Variants in ASIC2 observed in about 807,000 individuals in gnomAD.
The protein encoded by ASIC2 is acid-sensing ion channel 2.
Under a neutral mutation model 57.3 loss-of-function variants are expected in ASIC2, and 25 were observed. The ratio of observed to expected loss-of-function variants is 0.44; its 90% CI spans 0.32 to 0.61. The LOEUF (loss-of-function observed/expected upper bound fraction) is 0.61, where lower values mean the gene tolerates loss of function less well. ASIC2 is among the 20% of genes least tolerant of loss of function. The pLI is 0.06. For missense variants in ASIC2, 641 were observed against 738.1 expected (o/e 0.87, Z 1.52); for synonymous variants, 319 against 307.5 (o/e 1.04, Z -0.39).
chr17:33,889,713 T>C (rs1914918053), intron 1 of ASIC2, among the ~76,000 whole-genome samples: 1 of 152,194 alleles, frequency 6.6e-6, no homozygotes, highest in African/African-American at 2.4e-5. Context: ...GTTGGGCACC[T>C]TGGGACAGAT....
At chr17:34,109,367 G>A (rs1911186621) in intron 1 of ASIC2, among the ~76,000 whole-genome samples, 1 of 152,096 alleles carries the variant, frequency 6.6e-6, no homozygotes. Context: ...GGTTGTTTAT[G>A]ATTTTTCATA....
intron 1 of ASIC2, among the ~76,000 whole-genome samples, chr17:34,127,612 T>TC (rs1219929079): frequency 6.6e-6 from 1 of 152,100 alleles, no homozygotes; most frequent in Non-Finnish European, 1.5e-5. Context: ...CAGGGACCCC[T>TC]CTTCTCAGCC....
chr17:33,214,252 C>T (rs1298363291), intron 1 of ASIC2, among the ~76,000 whole-genome samples: 1 of 152,046 alleles, frequency 6.6e-6, no homozygotes, highest in Non-Finnish European at 1.5e-5. Flanking sequence ...CTACATCCCA[C>T]CAAGACTACA....
At chr17:33,771,534 A>G (rs1911111539) in intron 1 of ASIC2, among the ~76,000 whole-genome samples, 1 of 151,578 alleles carries the variant, frequency 6.6e-6, no homozygotes, top group Admixed American at 6.6e-5. Flanking sequence ...GAGGCCCCAC[A>G]GAACTTACAT....
intron 1 of ASIC2, among the ~76,000 whole-genome samples, chr17:33,176,515 C>T (rs1425225512): frequency 6.6e-6 from 1 of 152,060 alleles, no homozygotes; most frequent in Admixed American, 6.5e-5. Context: ...AAGTTTTAAA[C>T]ATTTTTTGTA....
intron 1 of ASIC2, among the ~76,000 whole-genome samples, chr17:33,873,829 T>C (rs558656593): frequency 6.6e-6 from 1 of 152,284 alleles, no homozygotes; most frequent in South Asian, 2.1e-4. Context: ...TAGAAGCAGA[T>C]GCCTCAAGCT....
chr17:34,038,374 G>C (rs1195414634), intron 1 of ASIC2: 1 of 1,611,406 alleles, frequency 6.2e-7, no homozygotes, highest in Non-Finnish European at 8.5e-7. Flanking sequence ...TTCTGGGATG[G>C]TCCAGCTCTT....
chr17:33,749,395 G>C (rs145666603), intron 1 of ASIC2, among the ~76,000 whole-genome samples: 1 of 152,118 alleles, frequency 6.6e-6, no homozygotes, highest in East Asian at 1.9e-4. Context: ...CTGTCTAAGA[G>C]TGCAGGTGGG....
intron 1 of ASIC2, among the ~76,000 whole-genome samples, chr17:34,108,011 G>A (rs567336099): frequency 6.6e-6 from 1 of 152,076 alleles, no homozygotes; most frequent in East Asian, 1.9e-4. Context: ...TGTTCTTTAT[G>A]TAATGATAAG....
chr17:33,260,502 T>G (rs1909240463), intron 1 of ASIC2, among the ~76,000 whole-genome samples: 1 of 152,168 alleles, frequency 6.6e-6, no homozygotes, highest in Non-Finnish European at 1.5e-5. Flanking sequence ...CTGGTGGTTT[T>G]TTTCCCTGCT....
chr17:33,185,822 C>A (rs530951910), intron 1 of ASIC2, among the ~76,000 whole-genome samples: 1 of 152,168 alleles, frequency 6.6e-6, no homozygotes, highest in South Asian at 2.1e-4. Flanking sequence ...GTTCTATCAG[C>A]CAGAGTGGAA....
chr17:34,098,143 AC>A (rs1191917301), intron 1 of ASIC2, among the ~76,000 whole-genome samples: 2 of 152,212 alleles, frequency 1.3e-5, no homozygotes. Flanking sequence ...TGAGGAATTC[AC>A]AGTCCAGCGA....
chr17:33,247,710 AGGTTCCTCAGTGGTT>A (rs1402765382), intron 1 of ASIC2, among the ~76,000 whole-genome samples: 4 of 152,206 alleles, frequency 2.6e-5, no homozygotes, highest in African/African-American at 9.6e-5. Flanking sequence ...AGCCAAGAGT[AGGTTCCTCAGTGGTT>A]GTGTAAGGAC....
intron 1 of ASIC2, among the ~76,000 whole-genome samples, chr17:33,185,626 CA>C (rs1906162601): frequency 6.6e-6 from 1 of 151,918 alleles, no homozygotes; most frequent in Non-Finnish European, 1.5e-5. Flanking sequence ...TCAGGAAGGC[CA>C]AAAAGCTAGA....
intron 1 of ASIC2, among the ~76,000 whole-genome samples, chr17:33,536,116 T>C (rs1490482204): frequency 6.6e-6 from 1 of 152,230 alleles, no homozygotes; most frequent in East Asian, 1.9e-4. Flanking sequence ...GGTATTTTTT[T>C]CCACCTGTGA....
At chr17:33,084,812 A>G (rs76918843) in intron 3 of ASIC2, among the ~76,000 whole-genome samples, 4,237 of 152,244 alleles carry the variant, frequency 0.028, 91 homozygotes, top group Non-Finnish European at 0.04. Context: ...ACAGCAACTG[A>G]GTTAACCAGG....
At chr17:34,018,113 CTT>C (rs1907032472) in intron 1 of ASIC2, among the ~76,000 whole-genome samples, 1 of 152,180 alleles carries the variant, frequency 6.6e-6, no homozygotes, top group Non-Finnish European at 1.5e-5. Flanking sequence ...GGCTGACTCT[CTT>C]GTTAGGCTCT....
intron 1 of ASIC2, among the ~76,000 whole-genome samples, chr17:34,009,461 CTT>C (rs1906640671): frequency 6.6e-6 from 1 of 152,110 alleles, no homozygotes; most frequent in African/African-American, 2.4e-5. Flanking sequence ...TAAAATATCT[CTT>C]TAATAATTTT....
Position 33,594,912 on chromosome 17 carries a change from AT to A in ASIC2, c.556-482846del, listed in dbSNP as rs1253653872. ...TGAGTAACTTGGGTAAGGTCACACA[AT>A]TTTTTTTTGAAAAAGTAAAATTGAT... On this transcript the variant is annotated intron_variant, in intron 1 of 9. Transcript: ENST00000359872. Among the ~76,000 whole-genome samples the A allele has an allele frequency of 1.6e-3, 238 of 151,396 alleles. 1 individual carries two copies. Among genetic ancestry groups the A allele is most frequent in the African/African-American group, 5.7e-3 (234 of 41,258 alleles).
Sources: gnomAD v4.1 joint callset for allele counts (sites outside exome capture counted in the v4.1 genomes callset) on GRCh38, gnomAD v4.1.1 for gene constraint, MANE v1.5 for transcripts, NCBI Gene and HGNC (gene_info 2026-07-23, HGNC 2026-07-21) for gene names.